PLCG2: variants seen among roughly 807,000 people sequenced by gnomAD.
PLCG2 encodes the protein 1-phosphatidylinositol 4,5-bisphosphate phosphodiesterase gamma-2.
A neutral mutation model predicts 175.6 loss-of-function variants in PLCG2; 69 were observed. The observed-to-expected ratio is 0.39, with a 90% CI of 0.32 to 0.48. PLCG2 has a LOEUF of 0.48. PLCG2 is among the 20% of genes least tolerant of loss of function. The pLI is 0.91. For synonymous variants in PLCG2, 827 were observed against 624.0 expected (o/e 1.33, Z -4.85); for missense variants, 1,798 against 1,650.9 (o/e 1.09, Z -1.54).
At chr16:81,943,258 G>C (rs1911024087) in intron 30 of PLCG2, among the ~76,000 whole-genome samples, 1 of 152,178 alleles carries the variant, frequency 6.6e-6, no homozygotes, top group Non-Finnish European at 1.5e-5. Flanking sequence ...AGGTTTGATT[G>C]GCTCACAGTT....
At chr16:81,886,183 C>T (rs983618335) in intron 9 of PLCG2, among the ~76,000 whole-genome samples, 2 of 152,038 alleles carry the variant, frequency 1.3e-5, no homozygotes, top group Non-Finnish European at 2.9e-5. Context: ...GTAGATTTAC[C>T]CCACCTAGTG....
chr16:81,952,164 A>G (rs187426237), intron 31 of PLCG2, among the ~76,000 whole-genome samples: 10 of 152,276 alleles, frequency 6.6e-5, no homozygotes, highest in Admixed American at 5.9e-4. Flanking sequence ...TTAAAAAACA[A>G]AACACCATGT....
intron 8 of PLCG2, among the ~76,000 whole-genome samples, chr16:81,882,666 C>A (rs1908143957): frequency 6.6e-6 from 1 of 152,002 alleles, no homozygotes; most frequent in African/African-American, 2.4e-5. Context: ...CCTCCCTTCT[C>A]TTTTTTCCTC....
intron 5 of PLCG2, among the ~76,000 whole-genome samples, chr16:81,865,708 G>A (rs983625662): frequency 1.5e-4 from 23 of 151,390 alleles, no homozygotes. Context: ...AGCATGAGAG[G>A]ACGCTGGCCT....
Position 81,928,955 on chromosome 16 carries a change from C to T in PLCG2, c.2581+331C>T, listed in dbSNP as rs192605835. On this transcript the variant is annotated intron_variant, in intron 24 of 32. Coordinates refer to ENST00000564138, the MANE Select transcript of PLCG2 (RefSeq NM_002661.5). ...TTGCGAAGGAAAGCTGAGCTGTCAG[C>T]CTGGCTGAAATGCAGCGTGGAGTTG... 7 of 280,558 alleles carry T rather than the reference C, an allele frequency of 2.5e-5. No individual in the cohort carries two copies. The South Asian group carries it at 4.6e-4, about 18-fold the overall frequency. The allele number at this position is 280,558 out of a possible 1,614,324, so 17.4% of individuals were successfully genotyped here.
At chr16:81,919,457 G>T in intron 19 of PLCG2, 27 bp from the exon 20 acceptor site, 1 of 1,597,410 alleles carries the variant, frequency 6.3e-7, no homozygotes, top group Non-Finnish European at 8.6e-7. Context: ...ATCTTGGCAT[G>T]TCAACCCTGT....
In PLCG2 at chr16:81,859,005, C is replaced by T. The variant is rs562441613; in HGVS notation, c.432-111C>T. On this transcript the variant is annotated intron_variant, in intron 4 of 32. Transcript: ENST00000564138. ...GCCCTTGTTAGAAAGTTGGAAGACT[C>T]CTCCTTTTGGTTCCAGTTCCTTTTG... The T allele has an allele frequency of 2.1e-4, 135 of 646,058 alleles. 1 individual carries two copies. In the South Asian group the frequency reaches 2.3e-3, roughly 11 times the overall value. The allele number at this position is 646,058 out of a possible 1,614,324, so 40.0% of individuals were successfully genotyped here.
chr16:81,861,143 C>T (rs1323900955), intron 5 of PLCG2, among the ~76,000 whole-genome samples: 1 of 152,174 alleles, frequency 6.6e-6, no homozygotes, highest in Admixed American at 6.5e-5. Flanking sequence ...GTCCTTGTCT[C>T]ATGTTAGCCT....
intron 13 of PLCG2, chr16:81,898,392 C>G (rs1187700048): frequency 6.6e-6 from 1 of 152,514 alleles, no homozygotes; most frequent in Non-Finnish European, 1.5e-5. Flanking sequence ...ACTAGGTAGC[C>G]TTTGTTGTAA....
At chr16:81,785,300 G>A (rs1190564069) in intron 1 of PLCG2, among the ~76,000 whole-genome samples, 1 of 152,068 alleles carries the variant, frequency 6.6e-6, no homozygotes, top group Non-Finnish European at 1.5e-5. Flanking sequence ...TTTTAAAAAG[G>A]CTAAAACTGA....
chr16:81,883,667 G>A (rs146097427), intron 9 of PLCG2: 312 of 366,068 alleles, frequency 8.5e-4, no homozygotes, highest in African/African-American at 5.9e-3. Flanking sequence ...ACCTGGCTGG[G>A]TGCACCTTTT....
chr16:81,920,969 G>A (rs898387880), intron 20 of PLCG2, among the ~76,000 whole-genome samples: 1 of 152,172 alleles, frequency 6.6e-6, no homozygotes, highest in Non-Finnish European at 1.5e-5. Flanking sequence ...TGCCTGGCAC[G>A]CAGCAGGCCA....
In PLCG2 at chr16:81,872,977, C is replaced by T. The variant is rs74972922; in HGVS notation, c.648+2042C>T. On this transcript the variant is annotated intron_variant, in intron 7 of 32. Transcript: ENST00000564138. The stretch of plus-strand genomic sequence containing the variant: ...ACTGGCCGTGGGACTTTGGATGTAT[C>T]TGAGTTAGAGAAATGGGAGGGCCAT... 2.6e-4 allele frequency among the ~76,000 whole-genome samples: 39 copies of T among 152,362 alleles called. No individual in the cohort carries two copies. The East Asian group carries it at 7.1e-3, about 28-fold the overall frequency.
At chr16:81,896,453 C>T (rs1307447544) in intron 13 of PLCG2, among the ~76,000 whole-genome samples, 1 of 150,160 alleles carries the variant, frequency 6.7e-6, no homozygotes. Flanking sequence ...TGGCATGTGC[C>T]TGTAGTCCCA....
chr16:81,949,670 A>T (rs1911289863), intron 31 of PLCG2, among the ~76,000 whole-genome samples: 1 of 152,236 alleles, frequency 6.6e-6, no homozygotes, highest in African/African-American at 2.4e-5. Context: ...ACCAGTGAAT[A>T]ATTAATTTTG....
Position 81,895,737 on chromosome 16 carries a change from G to C in PLCG2, c.1073-70G>C, listed in dbSNP as rs1597114961. 3 of 1,583,364 alleles carry C rather than the reference G, an allele frequency of 1.9e-6. No homozygotes were observed. In the East Asian group the frequency reaches 6.7e-5, roughly 36 times the overall value. ...TGTCTAGTAACTGAACTGGTGTGTG[G>C]GCCGGGGGCTGACCTCGGGGCTGTC... On this transcript the variant is annotated intron_variant, in intron 12 of 32. Transcript: ENST00000564138.
chr16:81,919,127 A>G (rs1009399558), intron 19 of PLCG2, among the ~76,000 whole-genome samples: 4 of 152,332 alleles, frequency 2.6e-5, no homozygotes, highest in East Asian at 1.9e-4. Context: ...CTGTGTTTCA[A>G]TAAAGCTTTA....
rs12446127 is a variant in PLCG2, at chr16:81,921,184, C to G, written c.2236-14C>G. The G allele has an allele frequency of 0.56, 841,992 of 1,490,582 alleles. 242,159 individuals are homozygous for G. Among genetic ancestry groups the G allele is most frequent in the East Asian group, 0.76 (33,238 of 43,692 alleles). 92.3% of individuals were successfully genotyped at this position (1,490,582 alleles called of 1,614,324 possible). ...CATGGATTATTCCATTTCTTTCTTT[C>G]TTTTTTTTTCCAGGAAAGAGATATA... is the stretch of plus-strand genomic sequence containing the variant. On this transcript the variant is annotated splice_polypyrimidine_tract_variant and intron_variant, in intron 20 of 32. Transcript: ENST00000564138.
chr16:81,880,433 T>C (rs1477849644), intron 7 of PLCG2, among the ~76,000 whole-genome samples: 1 of 152,042 alleles, frequency 6.6e-6, no homozygotes, highest in Non-Finnish European at 1.5e-5. Flanking sequence ...GATAGAGAAA[T>C]AGGCACACAG....
Sources: gnomAD v4.1 joint callset for allele counts (sites outside exome capture counted in the v4.1 genomes callset) on GRCh38, gnomAD v4.1.1 for gene constraint, MANE v1.5 for transcripts, NCBI Gene and HGNC (gene_info 2026-07-23, HGNC 2026-07-21) for gene names.